The following GABRA2 variants were observed in gnomAD, a reference collection of about 807,000 sequenced individuals.
GABRA2 encodes gamma-aminobutyric acid receptor subunit alpha-2.
A neutral mutation model predicts 48.7 loss-of-function variants in GABRA2; 16 were observed. The observed-to-expected ratio is 0.33, with a 90% CI of 0.22 to 0.50. GABRA2 has a LOEUF of 0.50. GABRA2 is among the 20% of genes least tolerant of loss of function. GABRA2 has a pLI of 0.98. For missense variants in GABRA2, 275 were observed against 535.6 expected (o/e 0.51, Z 4.80); for synonymous variants, 185 against 184.5 (o/e 1.00, Z -0.02).
intron 3 of GABRA2, among the ~76,000 whole-genome samples, chr4:46,349,935 A>G (rs1284337367): frequency 2.0e-5 from 3 of 151,970 alleles, no homozygotes; most frequent in African/African-American, 7.2e-5. Context: ...AAACTTAAGT[A>G]GCAACCCTTA....
chr4:46,322,548 T>C (rs972580892), intron 4 of GABRA2, among the ~76,000 whole-genome samples: 3 of 152,004 alleles, frequency 2.0e-5, no homozygotes, highest in Admixed American at 2.0e-4. Flanking sequence ...CATTTTACTA[T>C]GCAAACTCAC....
At chr4:46,265,965 G>A (rs1434796348) in intron 8 of GABRA2, among the ~76,000 whole-genome samples, 1 of 151,848 alleles carries the variant, frequency 6.6e-6, no homozygotes, top group African/African-American at 2.4e-5. Context: ...GTTTACATAT[G>A]CAAATTTTCC....
At chr4:46,377,060 G>T (rs1343056593) in intron 3 of GABRA2, among the ~76,000 whole-genome samples, 1 of 152,128 alleles carries the variant, frequency 6.6e-6, no homozygotes, top group Admixed American at 6.5e-5. Context: ...AGGCTGGAGT[G>T]CAGTGGCGTG....
chr4:46,302,256 T>C (rs1390986772), intron 8 of GABRA2, among the ~76,000 whole-genome samples: 2 of 152,038 alleles, frequency 1.3e-5, no homozygotes, highest in Non-Finnish European at 2.9e-5. Context: ...AGACAGGGTC[T>C]TGCTATATTG....
intron 9 of GABRA2, chr4:46,260,717 A>T (rs908221864): frequency 6.6e-6 from 1 of 151,932 alleles, no homozygotes; most frequent in Non-Finnish European, 1.5e-5. Flanking sequence ...TCAATATTAA[A>T]TTGTAATGGA....
At chr4:46,265,008 A>ATATATATATATATATATATATATATAG (rs1717825404) in intron 8 of GABRA2, among the ~76,000 whole-genome samples, 1 of 57,998 alleles carries the variant, frequency 1.7e-5, no homozygotes, top group African/African-American at 5.4e-5. Context: ...TATATGTATA[A>ATATATATATATATATATATATATATAG]AGAGAGAGAG....
intron 3 of GABRA2, among the ~76,000 whole-genome samples, chr4:46,380,593 G>A (rs1257851075): frequency 6.6e-6 from 1 of 152,152 alleles, no homozygotes; most frequent in Admixed American, 6.5e-5. Context: ...AAACCAATAA[G>A]CCTTGTAATT....
intron 3 of GABRA2, among the ~76,000 whole-genome samples, chr4:46,347,551 T>C (rs1282387003): frequency 6.6e-6 from 1 of 151,938 alleles, no homozygotes. Flanking sequence ...TGCAGAAGAA[T>C]GAAATTGGAC....
chr4:46,281,737 C>A (rs1022859246), intron 8 of GABRA2, among the ~76,000 whole-genome samples: 2 of 152,242 alleles, frequency 1.3e-5, no homozygotes, highest in Middle Eastern at 3.4e-3. Flanking sequence ...GTAAAAACAG[C>A]AAATTCCTTC....
rs1415237655 is a variant in GABRA2, at chr4:46,245,525, T to C, written c.*4783A>G. 2.0e-5 allele frequency among the ~76,000 whole-genome samples: 3 copies of C among 151,330 alleles called. No homozygotes were observed. Among genetic ancestry groups the C allele is most frequent in the Non-Finnish European group, 3.0e-5 (2 of 67,492 alleles). Reference sequence around the variant, plus strand: ...ATGCATAACTCAAACCTAATTCTAATTAATAAGTTTGTTATGGATTTACTG... The same window carrying C: ...ATGCATAACTCAAACCTAATTCTAACTAATAAGTTTGTTATGGATTTACTG... On this transcript the variant is annotated 3_prime_UTR_variant, in exon 10 of 10. Coordinates refer to ENST00000381620, the MANE Select transcript of GABRA2 (RefSeq NM_000807.4).
Position 46,332,680 on chromosome 4 carries a change from TG to T in GABRA2, c.189del (p.Asp63GlufsTer12). 6.4e-7 allele frequency: 1 copy of T among 1,553,336 alleles called. No homozygotes were observed. The highest frequency in any genetic ancestry group is 8.9e-7 in the Non-Finnish European group (1 of 1,125,474). On this transcript the variant is annotated frameshift_variant and splice_region_variant, in exon 4 of 10. Transcript: ENST00000381620. LOFTEE classifies it high-confidence loss of function. ...ATGTTAGTGAAGACTTCAGTAATAC[TG>T]TCTAATATGAGAAAAGAGATTGAAT... ...YDNRLRPGLGDSITEVFTNIY... is the reference protein window; with the variant it reads ...YDNRLRPGLGXSITEVFTNIY...
chr4:46,288,662 T>A (rs576625977), intron 8 of GABRA2, among the ~76,000 whole-genome samples: 39 of 151,828 alleles, frequency 2.6e-4, no homozygotes, highest in Non-Finnish European at 3.4e-4. Flanking sequence ...AGGCAAAGAG[T>A]TCATGATGAA....
In GABRA2 at chr4:46,245,749, C is replaced by T. The variant is rs540530645; in HGVS notation, c.*4559G>A. 1.5e-4 allele frequency among the ~76,000 whole-genome samples: 22 copies of T among 151,158 alleles called. No homozygotes were observed. The highest frequency in any genetic ancestry group is 5.3e-4 in the African/African-American group (22 of 41,458). On this transcript the variant is annotated 3_prime_UTR_variant, in exon 10 of 10. Coordinates refer to ENST00000381620, the MANE Select transcript of GABRA2 (RefSeq NM_000807.4). ...ATCACTGACACACACAGCTAAGACC[C>T]TATTAAAAGATCTTTGGGAACATTA...
Position 46,298,946 on chromosome 4 carries a change from T to TATGTCTTAA in GABRA2, c.856+4505_856+4513dup, listed in dbSNP as rs373677802. The stretch of plus-strand genomic sequence containing the variant: ...ATTGCTAAATATAGTGAGGGCATAT[T>TATGTCTTAA]ATGTCTTAAATGCACAGCTTTTAAA... On this transcript the variant is annotated intron_variant, in intron 8 of 9. Transcript: ENST00000381620. Among the ~76,000 whole-genome samples the TATGTCTTAA allele has an allele frequency of 4.9e-3, 751 of 151,724 alleles. 8 individuals are homozygous for TATGTCTTAA. The highest frequency in any genetic ancestry group is 0.017 in the African/African-American group (708 of 41,502).
intron 4 of GABRA2, among the ~76,000 whole-genome samples, chr4:46,320,056 C>A (rs1185536129): frequency 6.6e-6 from 1 of 151,654 alleles, no homozygotes; most frequent in East Asian, 1.9e-4. Context: ...CATAAAACAA[C>A]CCTTGAAGGC....
intron 4 of GABRA2, among the ~76,000 whole-genome samples, chr4:46,325,899 A>T (rs1730285198): frequency 6.6e-6 from 1 of 151,830 alleles, no homozygotes; most frequent in East Asian, 1.9e-4. Context: ...GCGTGGCTTT[A>T]TTTCTGGGTT....
chr4:46,368,603 T>G (rs367593395), intron 3 of GABRA2: 1 of 193,822 alleles, frequency 5.2e-6, no homozygotes, highest in Non-Finnish European at 1.0e-5. Flanking sequence ...TTCCGACTGG[T>G]TTTTTCATAC....
At chr4:46,299,266 T>C (rs1266001255) in intron 8 of GABRA2, among the ~76,000 whole-genome samples, 14 of 151,968 alleles carry the variant, frequency 9.2e-5, no homozygotes, top group Non-Finnish European at 1.0e-4. Context: ...TAAAAAAATT[T>C]ATATAGGTGC....
At chr4:46,276,197 C>T (rs1720475756) in intron 8 of GABRA2, among the ~76,000 whole-genome samples, 1 of 151,940 alleles carries the variant, frequency 6.6e-6, no homozygotes, top group South Asian at 2.1e-4. Flanking sequence ...AGATGAGTTC[C>T]AAGAAAGAGT....
Sources: gnomAD v4.1 joint callset for allele counts (sites outside exome capture counted in the v4.1 genomes callset) on GRCh38, gnomAD v4.1.1 for gene constraint, MANE v1.5 for transcripts, NCBI Gene and HGNC (gene_info 2026-07-23, HGNC 2026-07-21) for gene names.